The following DNAH12 variants were observed in gnomAD, a reference collection of about 807,000 sequenced individuals.
The protein encoded by DNAH12 is axonemal beta dynein heavy chain 12.
Under a neutral mutation model 371.5 loss-of-function variants are expected in DNAH12, and 285 were observed. That is an observed-to-expected ratio of 0.77 (90% CI 0.70 to 0.85). The LOEUF (loss-of-function observed/expected upper bound fraction) is 0.85, where lower values mean the gene tolerates loss of function less well. Ranked by LOEUF, DNAH12 falls within the 40% of genes least tolerant of loss-of-function variation. The pLI is 0.00. For synonymous variants in DNAH12, 1,200 were observed against 1,213.0 expected (o/e 0.99, Z 0.22); for missense variants, 3,611 against 3,689.4 (o/e 0.98, Z 0.55).
At chr3:57,423,305 CATG>C (rs1400634467) in intron 35 of DNAH12, among the ~76,000 whole-genome samples, 1 of 152,126 alleles carries the variant, frequency 6.6e-6, no homozygotes, top group Non-Finnish European at 1.5e-5. Context: ...AAACTATTCC[CATG>C]ATACTTTTAT....
At chr3:57,499,674 A>ATATATATATC (rs2067462053) in intron 11 of DNAH12, among the ~76,000 whole-genome samples, 1 of 25,148 alleles carries the variant, frequency 4.0e-5, no homozygotes, top group African/African-American at 1.0e-4. Flanking sequence ...ATATATATAT[A>ATATATATATC]TACTTCTTAA....
In DNAH12 at chr3:57,452,837, G is replaced by T. The variant is rs1282948606; in HGVS notation, c.3786+6C>A. 6.5e-7 allele frequency: 1 copy of T among 1,532,028 alleles called. No homozygotes were observed. The highest frequency in any genetic ancestry group is 2.5e-5 in the East Asian group (1 of 40,538). The allele number at this position is 1,532,028 out of a possible 1,614,324, so 94.9% of individuals were successfully genotyped here. On this transcript the variant is annotated splice_donor_region_variant and intron_variant, in intron 25 of 73. Transcript: ENST00000495027. ...ATGTGTGAATTAAGATAATTTAAAT[G>T]CATACCAATGTTCTGTAACACCTGT...
chr3:57,542,023 T>C (rs990694024), intron 2 of DNAH12, among the ~76,000 whole-genome samples: 4 of 152,104 alleles, frequency 2.6e-5, no homozygotes, highest in African/African-American at 7.2e-5. Flanking sequence ...TGTATTTTTC[T>C]TTTTATTTAT....
intron 4 of DNAH12, among the ~76,000 whole-genome samples, chr3:57,511,290 C>A (rs1045209041): frequency 1.3e-5 from 2 of 151,906 alleles, no homozygotes; most frequent in Non-Finnish European, 2.9e-5. Context: ...ATATATCCAC[C>A]GATTCAACAA....
At chr3:57,433,174 C>CA (rs11395980) in intron 32 of DNAH12, among the ~76,000 whole-genome samples, 193 bp downstream of exon 32, 65,563 of 142,312 alleles carry the variant, frequency 0.46, 15,030 homozygotes, top group South Asian at 0.56. Flanking sequence ...TTTCATTCTA[C>CA]AAAAAAAAAA....
chr3:57,477,382 C>A (rs1356097024), intron 13 of DNAH12, among the ~76,000 whole-genome samples: 1 of 152,106 alleles, frequency 6.6e-6, no homozygotes, highest in African/African-American at 2.4e-5. Flanking sequence ...GGGGGAGGGG[C>A]GCCCGCCATT....
At chr3:57,429,077 G>C (rs1379217049) in intron 33 of DNAH12, among the ~76,000 whole-genome samples, 1 of 152,024 alleles carries the variant, frequency 6.6e-6, no homozygotes, top group Non-Finnish European at 1.5e-5. Context: ...CAATCTCCCT[G>C]GAGAAGTCTT....
At chr3:57,548,670 C>T (rs1054089435), upstream of DNAH12, among the ~76,000 whole-genome samples, 5 of 152,056 alleles carry the variant, frequency 3.3e-5, no homozygotes, top group Non-Finnish European at 7.4e-5. Context: ...TGCACCACTG[C>T]ACTCCAGCCT....
chr3:57,336,974 T>TA (rs1283330536), intron 60 of DNAH12, among the ~76,000 whole-genome samples: 11 of 151,880 alleles, frequency 7.2e-5, no homozygotes, highest in Non-Finnish European at 2.9e-5. Context: ...GCTAAATGAA[T>TA]AAAAAACACC....
intron 8 of DNAH12, 127 bp from the exon 9 acceptor site, chr3:57,504,331 T>G: frequency 7.1e-6 from 6 of 844,298 alleles, no homozygotes; most frequent in Non-Finnish European, 1.1e-5. Context: ...TATCAATCCA[T>G]TTAATTGAAA....
chr3:57,433,658 G>A lies in DNAH12; in HGVS notation c.4826C>T (p.Pro1609Leu). The change falls in exon 31 of 74, where the codon CCA (proline) becomes CTA (leucine). Residue 1609 changes from proline (P) to leucine (L), a missense_variant. This residue lies in a region of DNAH12 where 2,266 missense variants were observed against 2,236.9 expected (regional missense o/e 1.01). Transcript: ENST00000495027. ...TMGQLFGQFDPVSHEWTDGIV... is the reference protein window; with the variant it reads ...TMGQLFGQFDLVSHEWTDGIV... Reference sequence around the variant, plus strand: ...TATTTAGGTTACCTCATGAGACACTGGGTCAAACTGTCCAAAAAGTTGGCC... The same window carrying A: ...TATTTAGGTTACCTCATGAGACACTAGGTCAAACTGTCCAAAAAGTTGGCC... 4 of 1,549,250 alleles carry A rather than the reference G, an allele frequency of 2.6e-6. No individual in the cohort carries two copies. Among genetic ancestry groups the A allele is most frequent in the Non-Finnish European group, 3.5e-6 (4 of 1,146,558 alleles).
chr3:57,437,586 C>A (rs528321489), intron 29 of DNAH12, among the ~76,000 whole-genome samples: 1 of 152,090 alleles, frequency 6.6e-6, no homozygotes, highest in Non-Finnish European at 1.5e-5. Flanking sequence ...TGGTGGATAT[C>A]GGATTGGGCC....
intron 45 of DNAH12, among the ~76,000 whole-genome samples, chr3:57,390,420 A>ATATATATATATATATAT (rs1294811064): frequency 3.3e-4 from 10 of 30,020 alleles, no homozygotes; most frequent in African/African-American, 6.3e-4. Flanking sequence ...AAAAAAAAAA[A>ATATATATATATATATAT]AAAAATATAT....
intron 43 of DNAH12, 133 bp downstream of exon 43, chr3:57,403,176 A>G (rs1251136581): frequency 1.1e-6 from 1 of 880,074 alleles, no homozygotes; most frequent in Admixed American, 3.4e-5. Context: ...CACACAGTAG[A>G]TGCTCTATGG....
At chr3:57,415,132 T>C (rs568808025) in intron 38 of DNAH12, among the ~76,000 whole-genome samples, 3 of 141,962 alleles carry the variant, frequency 2.1e-5, no homozygotes, top group Non-Finnish European at 4.9e-5. Flanking sequence ...TGTGTGTGTT[T>C]GTGTGTGTGT....
intron 2 of DNAH12, among the ~76,000 whole-genome samples, chr3:57,540,766 C>A (rs1160643153): frequency 2.0e-5 from 3 of 151,746 alleles, no homozygotes. Context: ...CATGTCTCTT[C>A]AAAAATACAA....
intron 60 of DNAH12, among the ~76,000 whole-genome samples, chr3:57,342,679 A>G (rs1157339779): frequency 3.5e-4 from 53 of 149,864 alleles, no homozygotes; most frequent in African/African-American, 1.3e-3. Flanking sequence ...AAAAGGAAAG[A>G]AAAGAAAATA....
At position 57,483,506 on chromosome 3, in the gene DNAH12, C is replaced by T. The variant is rs1200476376; in HGVS notation, c.1520G>A (p.Cys507Tyr). The change falls in exon 13 of 74, where the codon TGC becomes TAC. Residue 507 changes from cysteine (C) to tyrosine (Y), a missense_variant. Transcript: ENST00000495027. ...TTCTTTAATTGCTTCAAATTCACTG[C>T]AAATACTGACATAATACTCTGCTTT... ...SKYRKENECI[C>Y]SEFEAIKEHA... The T allele has an allele frequency of 6.5e-7, 1 of 1,548,874 alleles. No homozygotes were observed. Among genetic ancestry groups the T allele is most frequent in the East Asian group, 2.4e-5 (1 of 40,858 alleles).
intron 33 of DNAH12, among the ~76,000 whole-genome samples, 173 bp downstream of exon 33, chr3:57,429,518 T>C (rs1216692833): frequency 6.6e-6 from 1 of 152,196 alleles, no homozygotes; most frequent in Non-Finnish European, 1.5e-5. Flanking sequence ...AGCTGTGTAA[T>C]GGGATTATTA....
Sources: gnomAD v4.1 joint callset for allele counts (sites outside exome capture counted in the v4.1 genomes callset) on GRCh38, gnomAD v4.1.1 for gene constraint, gnomAD v4.1.1 regional missense constraint, MANE v1.5 for transcripts, NCBI Gene and HGNC (gene_info 2026-07-23, HGNC 2026-07-21) for gene names.